The following LMLN variants were observed in gnomAD, a reference collection of about 807,000 sequenced individuals.
The protein encoded by LMLN is leishmanolysin-like peptidase.
In LMLN, 70 loss-of-function variants were observed where a neutral mutation model predicts 92.3. That is an observed-to-expected ratio of 0.76 (90% confidence interval 0.63 to 0.92). LMLN has a LOEUF of 0.92. LMLN is among the 40% of genes least tolerant of loss of function. LMLN has a pLI of 0.00. For synonymous variants in LMLN, 308 were observed against 296.2 expected (o/e 1.04, Z -0.41); for missense variants, 691 against 814.6 (o/e 0.85, Z 1.85).
chr3:197,964,703 A>G (rs990441578), intron 1 of LMLN, among the ~76,000 whole-genome samples: 1 of 147,792 alleles, frequency 6.8e-6, no homozygotes, highest in African/African-American at 2.5e-5. Context: ...GGCCTAAAAA[A>G]GTTTTTTAAG....
intron 5 of LMLN, among the ~76,000 whole-genome samples, chr3:197,978,196 TAC>T (rs950714616): frequency 6.6e-5 from 10 of 152,192 alleles, no homozygotes; most frequent in African/African-American, 2.4e-4. Flanking sequence ...TCTGGAAGTA[TAC>T]ACACGTTAAT....
chr3:198,033,451 C>G (rs1165486789), intron 14 of LMLN, among the ~76,000 whole-genome samples: 2 of 151,642 alleles, frequency 1.3e-5, no homozygotes, highest in Non-Finnish European at 2.9e-5. Context: ...GAGTCTCACT[C>G]TGTCACCCAG....
chr3:197,963,256 T>C (rs1258231840), intron 1 of LMLN, among the ~76,000 whole-genome samples: 1 of 151,252 alleles, frequency 6.6e-6, no homozygotes, highest in Non-Finnish European at 1.5e-5. Flanking sequence ...CAGGCTGGAG[T>C]GCAGTGGCAG....
rs983716206 is a variant in LMLN, at chr3:197,985,734, C to T, written c.835-62C>T. On this transcript the variant is annotated intron_variant, in intron 7 of 15. Coordinates refer to ENST00000330198, the Ensembl canonical transcript of LMLN. ...GTTAGTATCAGTGCTCTCTTTTGAT[C>T]GCAGGCCTGTAATCAGCCTTGATGT... The T allele has an allele frequency of 4.4e-5, 49 of 1,113,282 alleles. No individual in the cohort carries two copies. In the Admixed American group the frequency reaches 7.3e-4, roughly 17 times the overall value. 69.0% of individuals were successfully genotyped at this position (1,113,282 alleles called of 1,614,324 possible). A position where few individuals can be genotyped will look rare whatever the true frequency, so the allele number is the denominator to read the frequency against.
At chr3:197,967,793 C>T (rs935677710) in intron 1 of LMLN, among the ~76,000 whole-genome samples, 2 of 152,128 alleles carry the variant, frequency 1.3e-5, no homozygotes, top group African/African-American at 2.4e-5. Flanking sequence ...CAGACACTTC[C>T]AGAGTGGCCA....
At chr3:198,014,810 G>A (rs1203584081) in intron 11 of LMLN, among the ~76,000 whole-genome samples, 2 of 55,358 alleles carry the variant, frequency 3.6e-5, no homozygotes, top group African/African-American at 1.7e-4. Flanking sequence ...TTCAGAGCCC[G>A]CTAACTAGTC....
At chr3:197,975,000 C>G (rs1402053482) in intron 2 of LMLN, 42 bp from the exon 3 acceptor site, 2 of 1,332,950 alleles carry the variant, frequency 1.5e-6, no homozygotes, top group African/African-American at 1.5e-5. Context: ...TGTGCTATGC[C>G]TCTGAGAGAT....
At chr3:197,988,248 A>C (rs1721767461) in intron 8 of LMLN, among the ~76,000 whole-genome samples, 1 of 151,814 alleles carries the variant, frequency 6.6e-6, no homozygotes, top group Non-Finnish European at 1.5e-5. Flanking sequence ...TCTCTCAAGC[A>C]GCTGGGACTA....
chr3:197,990,533 A>G (rs1397538553), intron 8 of LMLN, 26 bp from the exon 9 acceptor site: 2 of 968,002 alleles, frequency 2.1e-6, no homozygotes, highest in Non-Finnish European at 3.3e-6. Context: ...TTCAGTAATA[A>G]TTGTGTTTTA....
At chr3:198,015,179 C>T (rs1347923641) in intron 11 of LMLN, among the ~76,000 whole-genome samples, 8 of 140,608 alleles carry the variant, frequency 5.7e-5, no homozygotes, top group Non-Finnish European at 1.1e-4. Flanking sequence ...CTTCAGAGCC[C>T]CCTAACTAGT....
chr3:197,971,007 T>G (rs1273412002), intron 1 of LMLN, among the ~76,000 whole-genome samples: 1 of 152,228 alleles, frequency 6.6e-6, no homozygotes, highest in Admixed American at 6.5e-5. Flanking sequence ...TCCTCTTCAT[T>G]TTTGAAGGGT....
chr3:198,008,579 G>GAGGT (rs1208039330), intron 11 of LMLN, among the ~76,000 whole-genome samples: 3 of 152,118 alleles, frequency 2.0e-5, no homozygotes, highest in African/African-American at 7.2e-5. Flanking sequence ...ATACAAAAAT[G>GAGGT]AGGTGGGCAT....
At chr3:197,962,169 TG>T (rs1257727052) in intron 1 of LMLN, among the ~76,000 whole-genome samples, 1 of 152,048 alleles carries the variant, frequency 6.6e-6, no homozygotes. Flanking sequence ...GTTTTCTAAT[TG>T]TTTTTTTTTT....
intron 8 of LMLN, among the ~76,000 whole-genome samples, chr3:197,986,597 T>C (rs934240303): frequency 6.6e-6 from 1 of 152,188 alleles, no homozygotes; most frequent in African/African-American, 2.4e-5. Flanking sequence ...TAAAGAGAGA[T>C]TGGAGTGATT....
rs769525751 is a variant in LMLN, at chr3:197,984,034, G to T, written c.820G>T (p.Val274Phe). 9 of 1,607,428 alleles carry T rather than the reference G, an allele frequency of 5.6e-6. No individual in the cohort carries two copies. The South Asian group carries it at 8.8e-5, about 16-fold the overall frequency. The change falls in exon 7 of 16, where the codon GTT becomes TTT. Residue 274 changes from valine (V) to phenylalanine (F), a missense_variant. Coordinates refer to ENST00000330198, the Ensembl canonical transcript of LMLN. ...GATGCTGTCCACAGTGAAACATGAG[G>T]TTATTCATGCCCTGGTAAATTCTAG...
rs771737170 is a variant in LMLN, at chr3:198,019,205, A to G, written c.1233-48A>G. On this transcript the variant is annotated intron_variant, in intron 11 of 15. Transcript: ENST00000330198. This position sits in a 1 kb window ranked among gnomAD's most constrained non-coding sequence, Gnocchi z 5.5. ...TTTGTTGGCTGTATAATGGACTTGC[A>G]GTATTTTCTTTAAAGTTTGATACCA... 4 of 1,557,350 alleles carry G rather than the reference A, an allele frequency of 2.6e-6. No homozygotes were observed. The South Asian group carries it at 3.6e-5, about 14-fold the overall frequency.
chr3:197,985,969 G>T (rs1721695001), intron 8 of LMLN, 79 bp downstream of exon 8: 1 of 847,366 alleles, frequency 1.2e-6, no homozygotes, highest in Non-Finnish European at 1.9e-6. Context: ...CAGTATATTA[G>T]ATGCCATAAA....
exon 1 of LMLN, chr3:197,960,269 A>C (rs1214035046): frequency 6.2e-7 from 1 of 1,613,188 alleles, no homozygotes; most frequent in South Asian, 1.1e-5. Context: ...GGGGCGGAGG[A>C]GTGGGTTACT....
At chr3:197,994,719 G>T (rs192857298) in intron 9 of LMLN, 2 of 152,182 alleles carry the variant, frequency 1.3e-5, no homozygotes, top group East Asian at 3.9e-4. Flanking sequence ...AAAAAGAAAA[G>T]AAAAGAAACA....
Sources: gnomAD v4.1 joint callset for allele counts (sites outside exome capture counted in the v4.1 genomes callset) on GRCh38, gnomAD v4.1.1 for gene constraint, Gnocchi (gnomAD v3.1) non-coding constraint, MANE v1.5 for transcripts, NCBI Gene and HGNC (gene_info 2026-07-23, HGNC 2026-07-21) for gene names.